The following SH3GL2 variants were observed in gnomAD, a reference collection of about 807,000 sequenced individuals.
SH3GL2 encodes the protein SH3 domain containing GRB2 like 2, endophilin A1.
In SH3GL2, 24 loss-of-function variants were observed where a neutral mutation model predicts 46.0. The ratio of observed to expected loss-of-function variants is 0.52; its 90% CI spans 0.38 to 0.73. The LOEUF (loss-of-function observed/expected upper bound fraction) is 0.73. SH3GL2 is among the 30% of genes least tolerant of loss of function. SH3GL2 has a pLI of 0.00. For missense variants in SH3GL2, 413 were observed against 424.2 expected (o/e 0.97, Z 0.23); for synonymous variants, 196 against 147.1 (o/e 1.33, Z -2.40).
rs540018622 is a variant in SH3GL2 at position 17,772,238 on chromosome 9, G to T, written c.187+10729G>T. Among the ~76,000 whole-genome samples the T allele has an allele frequency of 2.0e-5, 3 of 152,190 alleles. No individual in the cohort carries two copies. The South Asian group carries it at 6.2e-4, about 32-fold the overall frequency. ...TTAAGCCCCAAATCTTATTTAGTGTGATTTGAGGATTTATACTCATCTTAC... is the reference window on the plus strand; with the variant it reads ...TTAAGCCCCAAATCTTATTTAGTGTTATTTGAGGATTTATACTCATCTTAC... On this transcript the variant is annotated intron_variant, in intron 3 of 8. Coordinates refer to ENST00000380607, the MANE Select transcript of SH3GL2 (RefSeq NM_003026.5).
chr9:17,586,224 C>T (rs753808807), intron 1 of SH3GL2, among the ~76,000 whole-genome samples: 22 of 152,102 alleles, frequency 1.4e-4, no homozygotes, highest in South Asian at 4.2e-4. Flanking sequence ...AATCTCCCTC[C>T]GCCATCCCCT....
At chr9:17,656,928 A>G (rs1469183681) in intron 1 of SH3GL2, among the ~76,000 whole-genome samples, 1 of 152,212 alleles carries the variant, frequency 6.6e-6, no homozygotes, top group African/African-American at 2.4e-5. Context: ...AGATTAAAAA[A>G]GTGATTTCAT....
At chr9:17,782,800 A>C (rs903826393) in intron 3 of SH3GL2, among the ~76,000 whole-genome samples, 6 of 152,190 alleles carry the variant, frequency 3.9e-5, no homozygotes, top group Non-Finnish European at 7.4e-5. Flanking sequence ...TTCAGTACAC[A>C]GTGGGGAAGA....
intron 1 of SH3GL2, among the ~76,000 whole-genome samples, chr9:17,736,081 C>G (rs1822326303): frequency 6.6e-6 from 1 of 152,026 alleles, no homozygotes; most frequent in African/African-American, 2.4e-5. Context: ...AGGGTGGAAG[C>G]AAAGTGGAGC....
chr9:17,641,973 G>A (rs770976634), intron 1 of SH3GL2, among the ~76,000 whole-genome samples: 1 of 152,068 alleles, frequency 6.6e-6, no homozygotes, highest in Non-Finnish European at 1.5e-5. Context: ...GGATTGCTGG[G>A]TCAAATGGTA....
chr9:17,665,349 A>C (rs1820317592), intron 1 of SH3GL2, among the ~76,000 whole-genome samples: 1 of 152,070 alleles, frequency 6.6e-6, no homozygotes, highest in African/African-American at 2.4e-5. Context: ...TATTGTGTTT[A>C]ATTATTATGT....
At chr9:17,754,550 G>T (rs1262887184) in intron 2 of SH3GL2, among the ~76,000 whole-genome samples, 1 of 152,102 alleles carries the variant, frequency 6.6e-6, no homozygotes, top group Non-Finnish European at 1.5e-5. Flanking sequence ...GCAGGCGCCT[G>T]TAGTCCCAGC....
intron 1 of SH3GL2, among the ~76,000 whole-genome samples, chr9:17,719,831 T>C (rs1282419028): frequency 6.6e-6 from 1 of 151,648 alleles, no homozygotes; most frequent in Non-Finnish European, 1.5e-5. Context: ...CTTGTGCTAC[T>C]GGTATTTAAA....
At chr9:17,618,423 G>A (rs926533151) in intron 1 of SH3GL2, among the ~76,000 whole-genome samples, 5 of 152,254 alleles carry the variant, frequency 3.3e-5, no homozygotes, top group Admixed American at 3.3e-4. Flanking sequence ...TGCCATTCTG[G>A]ACTGAGGTGC....
chr9:17,631,424 C>T (rs1819418881), intron 1 of SH3GL2, among the ~76,000 whole-genome samples: 1 of 152,206 alleles, frequency 6.6e-6, no homozygotes, highest in Admixed American at 6.5e-5. Flanking sequence ...ACTGTTCTGG[C>T]AGCTGTTTCT....
chr9:17,755,048 A>T (rs1588304403), intron 2 of SH3GL2, among the ~76,000 whole-genome samples: 1 of 152,088 alleles, frequency 6.6e-6, no homozygotes, highest in African/African-American at 2.4e-5. Flanking sequence ...GAGAGAGGGC[A>T]TCCTTGTCTT....
At chr9:17,613,897 T>G (rs1334518677) in intron 1 of SH3GL2, among the ~76,000 whole-genome samples, 3 of 152,174 alleles carry the variant, frequency 2.0e-5, no homozygotes, top group Non-Finnish European at 4.4e-5. Context: ...GCCACTAAAT[T>G]ACCAATGCCT....
intron 8 of SH3GL2, 90 bp from the exon 9 acceptor site, chr9:17,795,454 G>A: frequency 2.0e-6 from 2 of 981,328 alleles, no homozygotes; most frequent in East Asian, 2.5e-5. Flanking sequence ...GGAGCAGCAA[G>A]CCAGGTGGGT....
chr9:17,763,651 A>T (rs1012436729), intron 3 of SH3GL2, among the ~76,000 whole-genome samples: 1 of 152,206 alleles, frequency 6.6e-6, no homozygotes, highest in Admixed American at 6.5e-5. Context: ...GAGGGAATCA[A>T]TTCTTTTCTT....
chr9:17,640,026 G>A (rs1588196772), intron 1 of SH3GL2, among the ~76,000 whole-genome samples: 2 of 152,140 alleles, frequency 1.3e-5, no homozygotes, highest in East Asian at 3.9e-4. Context: ...TAGGGTGATA[G>A]TATTATTATT....
intron 1 of SH3GL2, among the ~76,000 whole-genome samples, chr9:17,670,643 T>C (rs76392182): frequency 0.018 from 2,667 of 152,354 alleles, 64 homozygotes; most frequent in African/African-American, 0.061. Context: ...TTCCCAACTT[T>C]AGCTCTTGAC....
chr9:17,687,201 AC>A (rs1820940554), intron 1 of SH3GL2, among the ~76,000 whole-genome samples: 1 of 152,128 alleles, frequency 6.6e-6, no homozygotes, highest in Admixed American at 6.6e-5. Context: ...ATCATCTAGA[AC>A]CATTTAAATT....
At chr9:17,601,290 T>C (rs1427863240) in intron 1 of SH3GL2, among the ~76,000 whole-genome samples, 2 of 152,010 alleles carry the variant, frequency 1.3e-5, no homozygotes, top group African/African-American at 4.8e-5. Flanking sequence ...TACAGCAAGA[T>C]GGGTGAAAGG....
intron 3 of SH3GL2, among the ~76,000 whole-genome samples, chr9:17,781,247 T>A (rs3955228): frequency 2.3e-5 from 1 of 42,716 alleles, no homozygotes; most frequent in African/African-American, 9.4e-5. Flanking sequence ...ATGAGCATTT[T>A]TTCATGTGTT....
Sources: gnomAD v4.1 joint callset for allele counts (sites outside exome capture counted in the v4.1 genomes callset) on GRCh38, gnomAD v4.1.1 for gene constraint, MANE v1.5 for transcripts, NCBI Gene and HGNC (gene_info 2026-07-23, HGNC 2026-07-21) for gene names.